Variants in DIP2B observed in about 807,000 individuals in gnomAD.
The protein encoded by DIP2B is DIP2 acetate--CoA ligase B (putative).
A neutral mutation model predicts 198.0 loss-of-function variants in DIP2B; 76 were observed. That is an observed-to-expected ratio of 0.38 (90% CI 0.32 to 0.46). DIP2B has a LOEUF of 0.46. DIP2B is among the 20% of genes least tolerant of loss of function. DIP2B has a pLI of 0.99. For synonymous variants in DIP2B, 701 were observed against 739.1 expected, an observed-to-expected ratio of 0.95 and a Z score of 0.84; for missense variants, 1,559 against 1,978.4, an observed-to-expected ratio of 0.79 and a Z score of 4.02.
intron 25 of DIP2B, among the ~76,000 whole-genome samples, chr12:50,719,543 A>T (rs1469111946): frequency 6.6e-6 from 1 of 152,206 alleles, no homozygotes; most frequent in African/African-American, 2.4e-5. Context: ...ATGGTTCGTT[A>T]TAATACTGTA....
chr12:50,590,091 G>T (rs1480680714), intron 1 of DIP2B, among the ~76,000 whole-genome samples: 1 of 151,974 alleles, frequency 6.6e-6, no homozygotes, highest in Non-Finnish European at 1.5e-5. Context: ...AAACTCCTGG[G>T]CTCAGATAAT....
intron 22 of DIP2B, among the ~76,000 whole-genome samples, chr12:50,711,516 A>AT (rs914117392): frequency 5.9e-4 from 90 of 151,928 alleles, no homozygotes; most frequent in African/African-American, 2.1e-3. Context: ...GAGGATTGTG[A>AT]TTTTCAAGTT....
rs901740333 is a variant in DIP2B, at chr12:50,675,444, G to A, written c.912G>A (p.Val304=). Residue 304 remains valine, a synonymous_variant, in exon 7 of 38, where the codon GTG becomes GTA. Coordinates refer to ENST00000301180, the MANE Select transcript of DIP2B (RefSeq NM_173602.3). ...EFFVDDSEEI[V]EVPQPDPNQP... ...TTGTGGATGACTCTGAAGAAATTGT[G>A]GAAGGTAGTAGTAAAAATACCAAAA... 8.1e-6 allele frequency: 13 copies of A among 1,613,024 alleles called. No individual in the cohort carries two copies. The Admixed American group carries it at 1.2e-4, about 14-fold the overall frequency.
At chr12:50,597,897 C>T (rs1958891998) in intron 1 of DIP2B, among the ~76,000 whole-genome samples, 1 of 152,164 alleles carries the variant, frequency 6.6e-6, no homozygotes, top group Non-Finnish European at 1.5e-5. Flanking sequence ...TAGTTTTACT[C>T]ATTGGCTGAG....
chr12:50,520,465 T>G (rs1958107510), intron 1 of DIP2B, among the ~76,000 whole-genome samples: 1 of 152,184 alleles, frequency 6.6e-6, no homozygotes, highest in Non-Finnish European at 1.5e-5. Context: ...CATTCATGAT[T>G]TATTTGACTT....
rs538261185 is a variant in DIP2B, at chr12:50,741,670, A to G, written c.4478+131A>G. 2.9e-5 allele frequency: 37 copies of G among 1,256,656 alleles called. 1 individual carries two copies. In the East Asian group the frequency reaches 8.3e-4, roughly 28 times the overall value. The allele number at this position is 1,256,656 out of a possible 1,614,324, so 77.8% of individuals were successfully genotyped here. ...AGCTCCATGGGAGGAGTAAGGAAAT[A>G]GACTGATTCTTGTCTTGGGTGTGCA... On this transcript the variant is annotated intron_variant, in intron 37 of 37. Transcript: ENST00000301180.
At chr12:50,529,163 C>G (rs1958193466) in intron 1 of DIP2B, among the ~76,000 whole-genome samples, 1 of 152,034 alleles carries the variant, frequency 6.6e-6, no homozygotes, top group Non-Finnish European at 1.5e-5. Context: ...CGCCTGTAGT[C>G]CCAAAATAGT....
intron 1 of DIP2B, among the ~76,000 whole-genome samples, chr12:50,571,457 G>A (rs1462658887): frequency 6.6e-6 from 1 of 151,662 alleles, no homozygotes; most frequent in African/African-American, 2.4e-5. Flanking sequence ...ACAGGCGTGA[G>A]CCACCACACC....
At chr12:50,556,455 T>G (rs187940116) in intron 1 of DIP2B, among the ~76,000 whole-genome samples, 22 of 152,332 alleles carry the variant, frequency 1.4e-4, no homozygotes, top group Admixed American at 1.1e-3. Context: ...AAGACAGGTA[T>G]TTACTTTTTA....
intron 1 of DIP2B, among the ~76,000 whole-genome samples, chr12:50,559,112 T>C (rs1051006091): frequency 6.6e-6 from 1 of 152,080 alleles, no homozygotes; most frequent in African/African-American, 2.4e-5. Context: ...TGTACCAAGG[T>C]GGATTCAGTT....
rs1349677462 is a variant in DIP2B, at chr12:50,660,214, C to T, written c.322C>T (p.Gln108Ter). ...TTCAGATATCCACACAGAAGCAGTT[C>T]AGGCTGCACTGGCAAAGCATAAAGA... is the stretch of plus-strand genomic sequence containing the variant. Reference protein sequence around the residue: ...YRSDIHTEAVQAALAKHKEQK... With the variant: ...YRSDIHTEAV Residue 108 changes from glutamine to a stop codon, truncating the protein, a stop_gained, in exon 4 of 38, where the codon CAG becomes TAG. Coordinates refer to ENST00000301180, the MANE Select transcript of DIP2B (RefSeq NM_173602.3). LOFTEE classifies it high-confidence loss of function. The T allele has an allele frequency of 6.2e-7, 1 of 1,611,436 alleles. No homozygotes were observed. Among genetic ancestry groups the T allele is most frequent in the Non-Finnish European group, 8.5e-7 (1 of 1,178,902 alleles).
chr12:50,509,341 A>G (rs184769480), intron 1 of DIP2B, among the ~76,000 whole-genome samples: 34 of 152,350 alleles, frequency 2.2e-4, no homozygotes, highest in African/African-American at 7.7e-4. Flanking sequence ...CAGTTCAGCC[A>G]TAAGTGCAAC....
intron 19 of DIP2B, among the ~76,000 whole-genome samples, chr12:50,702,755 AAAAG>A (rs1216603210): frequency 6.7e-6 from 1 of 150,150 alleles, no homozygotes; most frequent in Non-Finnish European, 1.5e-5. Flanking sequence ...AAAAAAAAAA[AAAAG>A]GAGGGGTGGG....
intron 1 of DIP2B, among the ~76,000 whole-genome samples, chr12:50,551,528 G>C (rs1179770444): frequency 2.6e-5 from 4 of 152,110 alleles, no homozygotes; most frequent in African/African-American, 9.7e-5. Flanking sequence ...ACTGCAGCCT[G>C]TGCCTCCCAG....
Position 50,699,185 on chromosome 12 carries a change from A to G in DIP2B, c.2308A>G (p.Thr770Ala). ...GMMYFGLAGVTKNTFEVIPVN... is the reference protein window; with the variant it reads ...GMMYFGLAGVAKNTFEVIPVN... ...GATGTACTTTGGGCTTGCTGGTGTG[A>G]CAAAAAATACATTTGAGGTACATGA... The change falls in exon 19 of 38, where the codon ACA becomes GCA. Residue 770 changes from threonine (T) to alanine (A), a missense_variant. By Grantham distance (58) the Thr-to-Ala change is moderately conservative. Transcript: ENST00000301180. 1 of 1,614,094 alleles carries G rather than the reference A, an allele frequency of 6.2e-7. No homozygotes were observed. The highest frequency in any genetic ancestry group is 8.5e-7 in the Non-Finnish European group (1 of 1,180,002).
At chr12:50,542,818 A>G (rs1958338786) in intron 1 of DIP2B, among the ~76,000 whole-genome samples, 1 of 152,132 alleles carries the variant, frequency 6.6e-6, no homozygotes, top group South Asian at 2.1e-4. Context: ...AACTAAAACA[A>G]ATTTCTAGTT....
In DIP2B at chr12:50,611,831, C is replaced by A. The variant is rs116950124; in HGVS notation, c.101-14145C>A. 2.3e-4 allele frequency among the ~76,000 whole-genome samples: 35 copies of A among 152,228 alleles called. No homozygotes were observed. The East Asian group carries it at 5.8e-3, about 25-fold the overall frequency. On this transcript the variant is annotated intron_variant, in intron 1 of 37. Transcript: ENST00000301180. The stretch of plus-strand genomic sequence containing the variant: ...AAGAAAACTTCAGTTTTAGCATTTT[C>A]TTTACAGTCTTCTATATTCTTGATC...
At chr12:50,692,913 G>A in intron 13 of DIP2B, 36 bp from the exon 14 acceptor site, 1 of 1,581,574 alleles carries the variant, frequency 6.3e-7, no homozygotes, top group Non-Finnish European at 8.6e-7. Context: ...TAATACTAAA[G>A]ATGATTTCTT....
At chr12:50,542,069 G>A (rs1958331119) in intron 1 of DIP2B, among the ~76,000 whole-genome samples, 1 of 150,816 alleles carries the variant, frequency 6.6e-6, no homozygotes, top group African/African-American at 2.4e-5. Context: ...GAGGTGGGCG[G>A]ATCACGAGGT....
Sources: allele counts gnomAD v4.1 joint callset (sites outside exome capture counted in the v4.1 genomes callset), GRCh38; gene constraint gnomAD v4.1.1; transcripts MANE v1.5; gene names NCBI Gene and HGNC (gene_info 2026-07-23, HGNC 2026-07-21).